MIPOL1: variants seen among roughly 807,000 people sequenced by gnomAD.
MIPOL1 encodes the protein mirror-image polydactyly gene 1 protein.
Under a neutral mutation model 60.9 loss-of-function variants are expected in MIPOL1, and 57 were observed. That is an observed-to-expected ratio of 0.94 (90% CI 0.76 to 1.17). The LOEUF is 1.17. MIPOL1 is among the 50% of genes most tolerant of loss of function. The pLI, the probability that MIPOL1 is intolerant of heterozygous loss-of-function variation, is 0.00. For synonymous variants in MIPOL1, 179 were observed against 168.8 expected (o/e 1.06, Z -0.47); for missense variants, 551 against 511.6 (o/e 1.08, Z -0.74).
chr14:37,360,536 T>A (rs572626412), intron 9 of MIPOL1, among the ~76,000 whole-genome samples: 191 of 152,328 alleles, frequency 1.3e-3, no homozygotes, highest in Non-Finnish European at 2.1e-3. Context: ...TCTTCCTGGT[T>A]TAGTCTTGGG....
intron 10 of MIPOL1, among the ~76,000 whole-genome samples, chr14:37,373,561 C>T (rs1395280168): frequency 6.6e-6 from 1 of 151,920 alleles, no homozygotes; most frequent in Admixed American, 6.6e-5. Context: ...AACAGGCCCC[C>T]ACGTGTGATG....
rs144261125 is a variant in MIPOL1 at position 37,532,059 on chromosome 14, C to T, written c.1263-14846C>T. 2.0e-4 allele frequency among the ~76,000 whole-genome samples: 30 copies of T among 152,158 alleles called. No homozygotes were observed. The East Asian group carries it at 3.1e-3, about 16-fold the overall frequency. ...CTGAGTAAATTGACAAAGTGTCTTT[C>T]GTAACTCTCTAAATCATAATCATTA... is the stretch of plus-strand genomic sequence containing the variant. On this transcript the variant is annotated intron_variant, in intron 12 of 12. Coordinates refer to ENST00000684589, the MANE Select transcript of MIPOL1 (RefSeq NM_001388067.1).
Position 37,297,290 on chromosome 14 carries a change from T to A in MIPOL1, c.624-10766T>A, listed in dbSNP as rs201531939. Among the ~76,000 whole-genome samples the A allele has an allele frequency of 1.3e-4, 20 of 152,330 alleles. No homozygotes were observed. The East Asian group carries it at 3.9e-3, about 29-fold the overall frequency. ...TAAAAACTCTCAATAAATTAGGTATTGATGGGATGTATCTCAAAATAATAA... is the reference window on the plus strand; with the variant it reads ...TAAAAACTCTCAATAAATTAGGTATAGATGGGATGTATCTCAAAATAATAA... On this transcript the variant is annotated intron_variant, in intron 7 of 12. Transcript: ENST00000684589.
intron 1 of MIPOL1, chr14:37,227,861 A>G (rs1295968912): frequency 6.6e-6 from 1 of 152,172 alleles, no homozygotes; most frequent in Non-Finnish European, 1.5e-5. Context: ...ATTCGCTTGT[A>G]TCACATCTGC....
At chr14:37,383,171 T>C (rs1003143794) in intron 10 of MIPOL1, among the ~76,000 whole-genome samples, 4 of 151,852 alleles carry the variant, frequency 2.6e-5, no homozygotes, top group Non-Finnish European at 5.9e-5. Context: ...TTTCACAAAA[T>C]CATGCAACAT....
intron 1 of MIPOL1, among the ~76,000 whole-genome samples, chr14:37,228,844 C>T (rs1970189328): frequency 6.6e-6 from 1 of 152,180 alleles, no homozygotes; most frequent in Admixed American, 6.5e-5. Context: ...GTAATCCCAG[C>T]ACTTTGGGAG....
downstream of MIPOL1, chr14:37,551,650 A>T (rs1301303220): frequency 6.6e-6 from 1 of 151,804 alleles, no homozygotes; most frequent in Non-Finnish European, 1.5e-5. Context: ...AGGCGGGCGG[A>T]TCACAAGGTC....
intron 1 of MIPOL1, among the ~76,000 whole-genome samples, chr14:37,222,251 G>T (rs537868667): frequency 6.7e-6 from 1 of 149,564 alleles, no homozygotes; most frequent in African/African-American, 2.5e-5. Flanking sequence ...ATTGGGTCTC[G>T]CTCTGTCTCC....
intron 3 of MIPOL1, among the ~76,000 whole-genome samples, chr14:37,261,444 CTA>C (rs2082514205): frequency 1.3e-5 from 2 of 151,880 alleles, no homozygotes; most frequent in African/African-American, 4.8e-5. Flanking sequence ...TATATGCTGA[CTA>C]TTGATCATCA....
At chr14:37,392,559 A>G (rs189117176) in intron 10 of MIPOL1, among the ~76,000 whole-genome samples, 206 of 152,206 alleles carry the variant, frequency 1.4e-3, no homozygotes, top group African/African-American at 4.9e-3. Context: ...ATTTAGGTAT[A>G]TTAAATAATA....
At chr14:37,471,986 A>G (rs1316094676) in intron 11 of MIPOL1, among the ~76,000 whole-genome samples, 2 of 152,200 alleles carry the variant, frequency 1.3e-5, no homozygotes, top group Admixed American at 6.5e-5. Flanking sequence ...GAGGTATCTC[A>G]ATGCAGTGAC....
intron 1 of MIPOL1, among the ~76,000 whole-genome samples, chr14:37,224,423 A>C (rs1053988783): frequency 6.6e-6 from 1 of 152,268 alleles, no homozygotes; most frequent in Non-Finnish European, 1.5e-5. Flanking sequence ...GTGAACTCAC[A>C]GTTCCATGAG....
intron 6 of MIPOL1, among the ~76,000 whole-genome samples, 192 bp from the exon 7 acceptor site, chr14:37,285,126 G>T (rs937631897): frequency 1.6e-4 from 25 of 152,206 alleles, no homozygotes; most frequent in African/African-American, 5.3e-4. Context: ...TTTTTTAGGG[G>T]TATGAAGTGG....
intron 1 of MIPOL1, 42 bp downstream of exon 1, chr14:37,198,146 A>G (rs902581213): frequency 3.3e-5 from 5 of 152,386 alleles, no homozygotes; most frequent in Non-Finnish European, 7.3e-5. Context: ...GGAGAATGAT[A>G]GTGGTGGGCA....
chr14:37,499,250 T>C (rs114943152), intron 11 of MIPOL1, among the ~76,000 whole-genome samples: 15 of 152,186 alleles, frequency 9.9e-5, no homozygotes, highest in Admixed American at 6.5e-5. Flanking sequence ...CATTTTCTTC[T>C]GCATTCATTT....
intron 9 of MIPOL1, among the ~76,000 whole-genome samples, chr14:37,331,248 T>C (rs1309687075): frequency 1.3e-5 from 2 of 152,160 alleles, no homozygotes; most frequent in Admixed American, 6.5e-5. Context: ...TGGAATCTTG[T>C]GACTCCATAT....
At chr14:37,519,542 A>G (rs2095396693) in intron 12 of MIPOL1, among the ~76,000 whole-genome samples, 2 of 152,070 alleles carry the variant, frequency 1.3e-5, no homozygotes, top group Admixed American at 1.3e-4. Flanking sequence ...TTATTAACAT[A>G]TTACTCATCT....
chr14:37,395,069 C>T (rs887063186), intron 10 of MIPOL1, among the ~76,000 whole-genome samples: 3 of 151,924 alleles, frequency 2.0e-5, no homozygotes, highest in African/African-American at 7.2e-5. Flanking sequence ...GATCAGTTGG[C>T]TATATTTGGG....
Position 37,239,551 on chromosome 14 carries a change from A to G in MIPOL1, c.-198-7552A>G, listed in dbSNP as rs538553840. Among the ~76,000 whole-genome samples, 10 of 152,326 alleles carry G rather than the reference A, an allele frequency of 6.6e-5. No individual in the cohort carries two copies. The South Asian group carries it at 2.1e-3, about 32-fold the overall frequency. On this transcript the variant is annotated intron_variant, in intron 1 of 12. Transcript: ENST00000684589. ...AAAAAAAAGAGTACAACACTTACAT[A>G]AAATTTATAGTTGAAATTATAATTT...
Sources: allele counts gnomAD v4.1 joint callset (sites outside exome capture counted in the v4.1 genomes callset), GRCh38; gene constraint gnomAD v4.1.1; transcripts MANE v1.5; gene names NCBI Gene and HGNC (gene_info 2026-07-23, HGNC 2026-07-21).